CNKSR3: variants seen among roughly 807,000 people sequenced by gnomAD.
CNKSR3 encodes connector enhancer of kinase suppressor of ras 3.
Under a neutral mutation model 67.7 loss-of-function variants are expected in CNKSR3, and 36 were observed. The observed-to-expected ratio is 0.53, with a 90% CI of 0.41 to 0.70. The LOEUF (loss-of-function observed/expected upper bound fraction) is 0.70. CNKSR3 is among the 30% of genes least tolerant of loss of function. The pLI is 0.00. For synonymous variants in CNKSR3, 281 were observed against 271.4 expected (o/e 1.04, Z -0.35); for missense variants, 630 against 695.2 (o/e 0.91, Z 1.05).
In CNKSR3 at chr6:154,396,710, G is replaced by A. The variant is rs961684150; in HGVS notation, c.*9644C>T. On this transcript the variant is annotated 3_prime_UTR_variant, in exon 13 of 13. Coordinates refer to ENST00000607772, the MANE Select transcript of CNKSR3 (RefSeq NM_173515.4). ...TTACTGGGGTAACTAGACCGAGAAG[G>A]ATGAGTCCATTATCAGGATTTAAGA... 1 of 152,166 alleles carries A rather than the reference G, an allele frequency of 6.6e-6. No individual in the cohort carries two copies. Among genetic ancestry groups the A allele is most frequent in the Non-Finnish European group, 1.5e-5 (1 of 68,034 alleles). 9.4% of individuals were successfully genotyped at this position (152,166 alleles called of 1,614,324 possible).
chr6:154,399,996 G>A lies in CNKSR3; in HGVS notation c.*6358C>T, dbSNP rs1221029096. 6.6e-6 allele frequency: 1 copy of A among 152,110 alleles called. No homozygotes were observed. Among genetic ancestry groups the A allele is most frequent in the Non-Finnish European group, 1.5e-5 (1 of 68,038 alleles). 9.4% of individuals were successfully genotyped at this position (152,110 alleles called of 1,614,324 possible). On this transcript the variant is annotated 3_prime_UTR_variant, in exon 13 of 13. Coordinates refer to ENST00000607772, the MANE Select transcript of CNKSR3 (RefSeq NM_173515.4). ...TCTTCACAAACATCTGAATGTTTAT[G>A]CTCCAGGCAAGAGGAGAGAAAATGA...
At chr6:154,497,403 AAG>A (rs143796696) in intron 1 of CNKSR3, among the ~76,000 whole-genome samples, 13 of 150,256 alleles carry the variant, frequency 8.7e-5, no homozygotes, top group Admixed American at 1.3e-4. Flanking sequence ...AAACGAGAGA[AAG>A]AGAGAGAGAG....
intron 7 of CNKSR3, among the ~76,000 whole-genome samples, chr6:154,426,959 G>C (rs1001660202): frequency 4.6e-5 from 7 of 152,160 alleles, no homozygotes; most frequent in African/African-American, 1.4e-4. Context: ...AGGAAGAATC[G>C]TGTGTTGCAT....
intron 1 of CNKSR3, among the ~76,000 whole-genome samples, chr6:154,504,017 C>A (rs914996349): frequency 6.6e-6 from 1 of 152,144 alleles, no homozygotes; most frequent in Non-Finnish European, 1.5e-5. Flanking sequence ...GATTCTGATT[C>A]GGCAGGCCCA....
At chr6:154,467,713 G>C (rs1786233013) in intron 1 of CNKSR3, among the ~76,000 whole-genome samples, 1 of 151,514 alleles carries the variant, frequency 6.6e-6, no homozygotes, top group African/African-American at 2.4e-5. Flanking sequence ...ATATAACTAT[G>C]TAAAGTATGT....
chr6:154,447,348 C>T (rs1310355791), intron 2 of CNKSR3, among the ~76,000 whole-genome samples: 1 of 152,044 alleles, frequency 6.6e-6, no homozygotes, highest in Non-Finnish European at 1.5e-5. Flanking sequence ...TTTAGACAGT[C>T]ACATTGGGTA....
At chr6:154,483,098 T>C (rs77501564) in intron 1 of CNKSR3, among the ~76,000 whole-genome samples, 1,781 of 152,282 alleles carry the variant, frequency 0.012, 33 homozygotes, top group African/African-American at 0.041. Context: ...AGTGGCATCT[T>C]GGACGAAGGA....
At chr6:154,435,776 A>AC (rs1322499340) in intron 4 of CNKSR3, among the ~76,000 whole-genome samples, 5 of 152,046 alleles carry the variant, frequency 3.3e-5, no homozygotes, top group Admixed American at 2.0e-4. Flanking sequence ...GGCACTCAGC[A>AC]CCCCCCTGCC....
intron 2 of CNKSR3, among the ~76,000 whole-genome samples, chr6:154,447,644 C>T (rs9322466): frequency 0.36 from 54,072 of 152,026 alleles, 11,607 homozygotes; most frequent in African/African-American, 0.59. Flanking sequence ...TAGGTTCCTG[C>T]CCATCTATCT....
At chr6:154,481,272 A>G (rs1278472414) in intron 1 of CNKSR3, among the ~76,000 whole-genome samples, 1 of 150,482 alleles carries the variant, frequency 6.6e-6, no homozygotes, top group African/African-American at 2.5e-5. Flanking sequence ...TATTTATTTG[A>G]TAGCAGTCTT....
intron 1 of CNKSR3, among the ~76,000 whole-genome samples, 187 bp from the exon 2 acceptor site, chr6:154,450,445 A>G (rs1366326807): frequency 1.3e-5 from 2 of 152,218 alleles, no homozygotes; most frequent in African/African-American, 2.4e-5. Flanking sequence ...TTTCAAGGGC[A>G]GCTTAACATT....
At chr6:154,435,127 C>G (rs1323404896) in intron 4 of CNKSR3, among the ~76,000 whole-genome samples, 1 of 151,804 alleles carries the variant, frequency 6.6e-6, no homozygotes, top group Non-Finnish European at 1.5e-5. Context: ...TCCCAAGCAA[C>G]TGGGACCACA....
intron 9 of CNKSR3, among the ~76,000 whole-genome samples, chr6:154,420,372 T>A (rs1358243200): frequency 6.6e-6 from 1 of 152,126 alleles, no homozygotes; most frequent in Non-Finnish European, 1.5e-5. Flanking sequence ...ATCTATTGTA[T>A]AGCACAGTGA....
chr6:154,459,993 C>T (rs1215800783), intron 1 of CNKSR3, among the ~76,000 whole-genome samples: 1 of 152,234 alleles, frequency 6.6e-6, no homozygotes, highest in African/African-American at 2.4e-5. Context: ...TCAACCCCAA[C>T]CCCAACAGAT....
At chr6:154,451,416 T>C (rs912990345) in intron 1 of CNKSR3, among the ~76,000 whole-genome samples, 41 of 152,344 alleles carry the variant, frequency 2.7e-4, no homozygotes, top group African/African-American at 9.4e-4. Flanking sequence ...GAGTGAACAC[T>C]CAATTTAACG....
At chr6:154,493,183 T>C (rs113481711) in intron 1 of CNKSR3, among the ~76,000 whole-genome samples, 3 of 152,236 alleles carry the variant, frequency 2.0e-5, no homozygotes, top group Admixed American at 6.5e-5. Flanking sequence ...TCAGGACACA[T>C]GCACTCGCTG....
intron 4 of CNKSR3, among the ~76,000 whole-genome samples, chr6:154,439,409 A>AC (rs954174817): frequency 5.3e-5 from 8 of 149,568 alleles, no homozygotes; most frequent in Admixed American, 2.0e-4. Context: ...AACAAACATG[A>AC]CCCCCCCTGC....
Position 154,410,304 on chromosome 6 carries a change from C to T in CNKSR3, c.1369+39G>A, listed in dbSNP as rs201454093. 182 of 1,458,392 alleles carry T rather than the reference C, an allele frequency of 1.2e-4. 2 individuals are homozygous for T. In the East Asian group the frequency reaches 1.7e-3, roughly 14 times the overall value. The allele number at this position is 1,458,392 out of a possible 1,614,324, so 90.3% of individuals were successfully genotyped here. On this transcript the variant is annotated intron_variant, in intron 12 of 12. Coordinates refer to ENST00000607772, the MANE Select transcript of CNKSR3 (RefSeq NM_173515.4). ...AACCAGGCCCTGGGGCTGTTCACTCCCCATTTGCTGTTCCTTGGTTTGCTT... is the reference window on the plus strand; with the variant it reads ...AACCAGGCCCTGGGGCTGTTCACTCTCCATTTGCTGTTCCTTGGTTTGCTT...
intron 12 of CNKSR3, among the ~76,000 whole-genome samples, chr6:154,408,723 A>G (rs897538826): frequency 4.6e-5 from 7 of 152,212 alleles, no homozygotes; most frequent in African/African-American, 1.7e-4. Flanking sequence ...CAACTCCGTG[A>G]ATATACTAAA....
Sources: gnomAD v4.1 joint callset for allele counts (sites outside exome capture counted in the v4.1 genomes callset) on GRCh38, gnomAD v4.1.1 for gene constraint, MANE v1.5 for transcripts, NCBI Gene and HGNC (gene_info 2026-07-23, HGNC 2026-07-21) for gene names.